ANKRD54: variants seen among roughly 807,000 people sequenced by gnomAD.
ANKRD54 encodes ankyrin repeat domain-containing protein 54.
Under a neutral mutation model 36.2 loss-of-function variants are expected in ANKRD54, and 26 were observed. That is an observed-to-expected ratio of 0.72 (90% confidence interval 0.53 to 1.00). The LOEUF is 1.00. Among genes scored for constraint, ANKRD54 ranks in the 50% least tolerant of loss-of-function variants. The pLI is 0.00. For synonymous variants in ANKRD54, 209 were observed against 188.4 expected (o/e 1.11, Z -0.89); for missense variants, 384 against 424.3 (o/e 0.91, Z 0.83).
At chr22:37,845,880 A>G (rs1325627623), upstream of ANKRD54, among the ~76,000 whole-genome samples, 3 of 150,206 alleles carry the variant, frequency 2.0e-5, no homozygotes, top group African/African-American at 2.5e-5. Context: ...GAAAGAAACA[A>G]AAACAAAAAA....
At chr22:37,840,074 C>T in intron 2 of ANKRD54, 113 bp downstream of exon 2, 1 of 1,253,986 alleles carries the variant, frequency 8.0e-7, no homozygotes, top group Non-Finnish European at 1.2e-6. Context: ...TACAGTGAGC[C>T]TGCTCCAAGG....
Position 37,843,830 on chromosome 22 carries a change from G to A in ANKRD54, c.328+81C>T, listed in dbSNP as rs1013255842. On this transcript the variant is annotated intron_variant, in intron 1 of 7. Transcript: ENST00000215941. The stretch of plus-strand genomic sequence containing the variant: ...CGGCTGAGGGTCGGGGGCGACCAAA[G>A]CGCGGCCACTGGTCCTCTGAGGCCC... 6 of 1,059,074 alleles carry A rather than the reference G, an allele frequency of 5.7e-6. No individual in the cohort carries two copies. The African/African-American group carries it at 8.4e-5, about 15-fold the overall frequency. The allele number at this position is 1,059,074 out of a possible 1,614,324, so 65.6% of individuals were successfully genotyped here.
chr22:37,838,628 G>A (rs937353606), intron 2 of ANKRD54, 30 bp from the exon 3 acceptor site: 5 of 1,589,264 alleles, frequency 3.1e-6, no homozygotes, highest in Non-Finnish European at 3.4e-6. Flanking sequence ...GGGAGGAAGG[G>A]GGAGAAAGCG....
At chr22:37,834,531 T>C (rs1436560833) in intron 3 of ANKRD54, 1 of 149,616 alleles carries the variant, frequency 6.7e-6, no homozygotes, top group Non-Finnish European at 1.5e-5. Context: ...CCTTTCTCTA[T>C]ACTAAAAACA....
At chr22:37,836,403 G>A (rs1414081515) in intron 3 of ANKRD54, among the ~76,000 whole-genome samples, 3 of 126,290 alleles carry the variant, frequency 2.4e-5, no homozygotes, top group African/African-American at 3.1e-5. Flanking sequence ...CCGAGATCAC[G>A]CCATTGCACT....
upstream of ANKRD54, chr22:37,849,274 G>C (rs1344989015): frequency 1.3e-6 from 1 of 776,112 alleles, no homozygotes; most frequent in East Asian, 2.5e-5. Flanking sequence ...TTACAGGTGT[G>C]AGCCACGGAA....
chr22:37,833,319 A>T, intron 4 of ANKRD54, 113 bp from the exon 5 acceptor site: 3 of 1,341,438 alleles, frequency 2.2e-6, no homozygotes, highest in Non-Finnish European at 3.1e-6. Context: ...AGTTATGCCT[A>T]CTGAGAAGGT....
rs147865965 is a variant in ANKRD54 at position 37,833,357 on chromosome 22, CAGA to C, written c.548-154_548-152del. The C allele has an allele frequency of 0.011, 11,308 of 983,718 alleles. 702 individuals are homozygous for C. In the African/African-American group the frequency reaches 0.15, roughly 13 times the overall value. 60.9% of individuals were successfully genotyped at this position (983,718 alleles called of 1,614,324 possible). A position where few individuals can be genotyped will look rare whatever the true frequency, so the allele number is the denominator to read the frequency against. On this transcript the variant is annotated intron_variant, in intron 4 of 7. Coordinates refer to ENST00000215941, the MANE Select transcript of ANKRD54 (RefSeq NM_138797.4). ...CGCCAAGGCACAGCTAGGTAGGACT[CAGA>C]AGTCAAGTTCAACTCCCTCCCTGTA...
Position 37,838,511 on chromosome 22 carries a change from T to C in ANKRD54, c.464A>G (p.Asn155Ser), listed in dbSNP as rs1923814486. The change falls in exon 3 of 8, where the codon AAT (asparagine) becomes AGT (serine). Residue 155 changes from asparagine (N) to serine (S), a missense_variant. Asn to Ser is a conservative substitution (Grantham distance 46). This residue lies in a region of ANKRD54 where 179 missense variants were observed against 224.0 expected (regional missense o/e 0.80). Transcript: ENST00000215941. Reference sequence around the variant, plus strand: ...TCCCCAGGACTCACCAATCTGGTCATTGCCATTGCATGAGGCAAAGTGTAG... The same window carrying C: ...TCCCCAGGACTCACCAATCTGGTCACTGCCATTGCATGAGGCAAAGTGTAG... ...TALHFASCNG[N>S]DQIVQLLLDH... The C allele has an allele frequency of 1.2e-6, 2 of 1,611,872 alleles. No individual in the cohort carries two copies. Among genetic ancestry groups the C allele is most frequent in the Non-Finnish European group, 1.7e-6 (2 of 1,179,164 alleles).
intron 2 of ANKRD54, among the ~76,000 whole-genome samples, chr22:37,839,031 C>A (rs758279640): frequency 1.3e-5 from 2 of 152,028 alleles, no homozygotes; most frequent in Non-Finnish European, 2.9e-5. Context: ...TCCCAAGTAG[C>A]CCCCAGCTAA....
upstream of ANKRD54, chr22:37,844,398 C>G: frequency 5.6e-6 from 4 of 713,806 alleles, no homozygotes; most frequent in South Asian, 4.4e-5. Flanking sequence ...CGAGACAGAG[C>G]GGCGAACCAA....
At chr22:37,838,718 T>A in intron 2 of ANKRD54, 120 bp from the exon 3 acceptor site, 2 of 927,666 alleles carry the variant, frequency 2.2e-6, no homozygotes. Context: ...CGACAATGCA[T>A]AGGAAAGCAG....
chr22:37,844,395 G>C (rs753836295), upstream of ANKRD54: 2 of 751,832 alleles, frequency 2.7e-6, no homozygotes, highest in Non-Finnish European at 4.0e-6. Flanking sequence ...GGCCGAGACA[G>C]AGCGGCGAAC....
rs757630505 is a variant in ANKRD54, at chr22:37,833,077, G to A, written c.601C>T (p.Arg201Cys). 22 of 1,613,970 alleles carry A rather than the reference G, an allele frequency of 1.4e-5. 1 individual carries two copies. The highest frequency in any genetic ancestry group is 1.3e-4 in the South Asian group (12 of 91,082). ...VITTLLRGGARVDALDRAGRT... is the reference protein window; with the variant it reads ...VITTLLRGGACVDALDRAGRT... ...CCAGCTCGGTCCAGGGCATCTACAC[G>A]GGCCCCTGCAGGTACCAGCTGAGGT... Residue 201 changes from arginine (R) to cysteine (C), a missense_variant, in exon 6 of 8, where the codon CGT (arginine) becomes TGT (cysteine). By Grantham distance (180) the Arg-to-Cys change is radical. Around this residue, in one of 3 missense-constraint regions of ANKRD54, gnomAD observed 179 missense variants for 224.0 expected, o/e 0.80. Coordinates refer to ENST00000215941, the MANE Select transcript of ANKRD54 (RefSeq NM_138797.4).
At chr22:37,835,691 A>G (rs1424042505) in intron 3 of ANKRD54, among the ~76,000 whole-genome samples, 1 of 152,144 alleles carries the variant, frequency 6.6e-6, no homozygotes, top group African/African-American at 2.4e-5. Flanking sequence ...CTGTCGTCCC[A>G]GCTACTTGGG....
intron 3 of ANKRD54, chr22:37,834,169 G>C (rs1330538152): frequency 5.4e-6 from 1 of 186,660 alleles, no homozygotes. Context: ...ATCACCTCAG[G>C]GGTGTGCTGT....
chr22:37,848,494 C>G (rs1345368759), upstream of ANKRD54: 2 of 151,982 alleles, frequency 1.3e-5, no homozygotes, highest in African/African-American at 4.8e-5. Flanking sequence ...CTCTCAGGTT[C>G]CACCGATTCT....
upstream of ANKRD54, among the ~76,000 whole-genome samples, chr22:37,844,660 G>A (rs192232539): frequency 1.1e-3 from 164 of 152,010 alleles, 2 homozygotes; most frequent in African/African-American, 3.9e-3. Flanking sequence ...TGCAACCTCC[G>A]CCTCCTTGAA....
At chr22:37,838,663 C>A (rs564765318) in intron 2 of ANKRD54, 65 bp from the exon 3 acceptor site, 2 of 1,514,826 alleles carry the variant, frequency 1.3e-6, no homozygotes, top group Non-Finnish European at 1.8e-6. Flanking sequence ...GCTGCAGACC[C>A]GAGCGATGGA....
Sources: gnomAD v4.1 joint callset for allele counts (sites outside exome capture counted in the v4.1 genomes callset) on GRCh38, gnomAD v4.1.1 for gene constraint, gnomAD v4.1.1 regional missense constraint, MANE v1.5 for transcripts, NCBI Gene and HGNC (gene_info 2026-07-23, HGNC 2026-07-21) for gene names.